Variants in UROS observed in about 807,000 individuals in gnomAD.
UROS encodes the protein uroporphyrinogen-III synthase.
In UROS, 18 loss-of-function variants were observed where a neutral mutation model predicts 33.0. The observed-to-expected ratio is 0.55, with a 90% confidence interval of 0.38 to 0.81. The LOEUF is 0.81. UROS is among the 30% of genes least tolerant of loss of function. The probability of loss-of-function intolerance (pLI) is 0.00; values close to 1 mark genes in which losing one functional copy is unlikely to be tolerated. For missense variants in UROS, 293 were observed against 314.9 expected (o/e 0.93, Z 0.53); for synonymous variants, 114 against 121.1 (o/e 0.94, Z 0.38).
chr10:125,806,628 T>C (rs12251135), intron 6 of UROS, among the ~76,000 whole-genome samples: 45,955 of 152,216 alleles, frequency 0.3, 7,235 homozygotes, highest in East Asian at 0.41. Context: ...TGCCAGCTCA[T>C]GATCTCTAGG....
At chr10:125,811,097 C>A (rs866918933) in intron 5 of UROS, among the ~76,000 whole-genome samples, 12 of 152,302 alleles carry the variant, frequency 7.9e-5, no homozygotes, top group Middle Eastern at 6.8e-3. Context: ...ATTGTATCAC[C>A]ATAGTCTTTT....
At chr10:125,787,328 T>C (rs1224973577), downstream of UROS, among the ~76,000 whole-genome samples, 2 of 147,486 alleles carry the variant, frequency 1.4e-5, no homozygotes, top group African/African-American at 5.4e-5. Context: ...CTCCCGCTCT[T>C]GTCTGCCTAC....
intron 4 of UROS, among the ~76,000 whole-genome samples, chr10:125,814,523 C>T (rs1325290333): frequency 6.6e-6 from 1 of 152,202 alleles, no homozygotes; most frequent in East Asian, 1.9e-4. Context: ...ATACAACAGG[C>T]ACTCCATAAT....
intron 9 of UROS, among the ~76,000 whole-genome samples, chr10:125,789,887 G>A (rs1377001067): frequency 2.6e-5 from 4 of 152,220 alleles, no homozygotes; most frequent in Non-Finnish European, 5.9e-5. Context: ...GAGGGCTAGT[G>A]TGGGGGTTAA....
chr10:125,804,304 T>C (rs1852121785), intron 6 of UROS, among the ~76,000 whole-genome samples: 1 of 152,146 alleles, frequency 6.6e-6, no homozygotes, highest in South Asian at 2.1e-4. Context: ...AGCTTCTGGG[T>C]TGGTGAACAC....
intron 6 of UROS, 190 bp downstream of exon 6, chr10:125,807,223 G>A: frequency 3.2e-6 from 2 of 617,902 alleles, no homozygotes; most frequent in Non-Finnish European, 5.8e-6. Flanking sequence ...AGAAGGAAGT[G>A]GGCTAAACCT....
chr10:125,816,412 G>C (rs760366159), intron 2 of UROS, 25 bp downstream of exon 2: 45 of 1,613,704 alleles, frequency 2.8e-5, no homozygotes, highest in Non-Finnish European at 3.6e-5. Flanking sequence ...GGACACTGTG[G>C]GATAAGGAGT....
Position 125,788,775 on chromosome 10 carries a change from C to G in UROS, c.*93G>C. On this transcript the variant is annotated 3_prime_UTR_variant, in exon 10 of 10. Coordinates refer to ENST00000368797, the MANE Select transcript of UROS (RefSeq NM_000375.3). ...CAGGCTTGAGGCAGGAGTCTGACGG[C>G]AGCAGCTCCCGAGAGCCCTTGCCGA... is the stretch of plus-strand genomic sequence containing the variant. 1 of 1,486,906 alleles carries G rather than the reference C, an allele frequency of 6.7e-7. No homozygotes were observed. The highest frequency in any genetic ancestry group is 8.9e-7 in the Non-Finnish European group (1 of 1,117,366). The allele number at this position is 1,486,906 out of a possible 1,614,324, so 92.1% of individuals were successfully genotyped here.
intron 1 of UROS, among the ~76,000 whole-genome samples, chr10:125,821,474 A>C (rs1853885614): frequency 6.6e-6 from 1 of 152,244 alleles, no homozygotes; most frequent in Non-Finnish European, 1.5e-5. Flanking sequence ...ATGGAGGGAA[A>C]ATAAGGGAGT....
chr10:125,807,068 A>C (rs1665104366), intron 6 of UROS: 1 of 311,588 alleles, frequency 3.2e-6, no homozygotes, highest in Non-Finnish European at 6.1e-6. Context: ...AAGGGAAAGG[A>C]CAGTCCTCAG....
intron 6 of UROS, chr10:125,802,725 G>T (rs1266958095): frequency 1.4e-6 from 2 of 1,386,346 alleles, no homozygotes; most frequent in Non-Finnish European, 1.9e-6. Flanking sequence ...AAGCCTAGCA[G>T]TATCTCTTTA....
intron 5 of UROS, among the ~76,000 whole-genome samples, chr10:125,810,308 T>C (rs1041409800): frequency 5.9e-5 from 9 of 152,272 alleles, no homozygotes; most frequent in Non-Finnish European, 1.0e-4. Context: ...TCTTTTGCTC[T>C]CTCTTGGATT....
intron 7 of UROS, among the ~76,000 whole-genome samples, chr10:125,796,408 C>A (rs893140021): frequency 6.6e-6 from 1 of 152,178 alleles, no homozygotes; most frequent in South Asian, 2.1e-4. Context: ...GAGGCTGAGA[C>A]GGCAGAAAAA....
intron 1 of UROS, among the ~76,000 whole-genome samples, chr10:125,822,726 G>A (rs910366047): frequency 3.3e-5 from 5 of 152,318 alleles, no homozygotes; most frequent in Admixed American, 3.3e-4. Context: ...CCTAAGTGCT[G>A]GGATTACAGG....
intron 1 of UROS, among the ~76,000 whole-genome samples, chr10:125,819,494 A>T (rs1853659500): frequency 6.6e-6 from 1 of 152,010 alleles, no homozygotes; most frequent in Non-Finnish European, 1.5e-5. Context: ...GAGGCATCTG[A>T]TCCCTGTGCA....
chr10:125,799,421 A>C (rs1681953879), intron 6 of UROS, among the ~76,000 whole-genome samples: 1 of 152,162 alleles, frequency 6.6e-6, no homozygotes. Context: ...TGGGGAATGC[A>C]GGGTGGAAGA....
At chr10:125,804,245 T>C (rs139989323) in intron 6 of UROS, among the ~76,000 whole-genome samples, 37 of 152,212 alleles carry the variant, frequency 2.4e-4, no homozygotes, top group African/African-American at 7.5e-4. Flanking sequence ...TAATCAATGG[T>C]GCCTACATAA....
chr10:125,808,603 CAAGT>C (rs1852538647), intron 5 of UROS, among the ~76,000 whole-genome samples: 1 of 152,168 alleles, frequency 6.6e-6, no homozygotes, highest in Non-Finnish European at 1.5e-5. Context: ...GCATTTTTCC[CAAGT>C]AATGAAACAA....
At chr10:125,789,295 G>T in intron 9 of UROS, 1 of 1,361,664 alleles carries the variant, frequency 7.3e-7, no homozygotes, top group Admixed American at 3.1e-5. Context: ...TCACGGCTGT[G>T]TCAGTGCAGT....
Sources: gnomAD v4.1 joint callset for allele counts (sites outside exome capture counted in the v4.1 genomes callset) on GRCh38, gnomAD v4.1.1 for gene constraint, MANE v1.5 for transcripts, NCBI Gene and HGNC (gene_info 2026-07-23, HGNC 2026-07-21) for gene names.